Variants in SAP130 observed in about 807,000 individuals in gnomAD.
SAP130 encodes the protein Sin3A associated protein 130.
SAP130 carries 16 observed loss-of-function variants against 103.2 expected under a neutral mutation model. That is an observed-to-expected ratio of 0.16 (90% CI 0.10 to 0.24). The LOEUF (loss-of-function observed/expected upper bound fraction) is 0.24, where lower values mean the gene tolerates loss of function less well. Ranked by LOEUF, SAP130 falls within the 10% of genes least tolerant of loss-of-function variation. The pLI is 1.00. For missense variants in SAP130, 990 were observed against 1,359.7 expected (o/e 0.73, Z 4.28); for synonymous variants, 477 against 497.0 (o/e 0.96, Z 0.53).
At position 127,986,885 on chromosome 2, in the gene SAP130, T is replaced by C. The variant is rs1445921680; in HGVS notation, c.1858A>G (p.Thr620Ala). 9 of 1,614,122 alleles carry C rather than the reference T, an allele frequency of 5.6e-6. No homozygotes were observed. The highest frequency in any genetic ancestry group is 5.0e-5 in the Admixed American group (3 of 60,016). Residue 620 changes from threonine to alanine, a missense_variant, in exon 14 of 21, where the codon ACC becomes GCC. Coordinates refer to ENST00000643581, the MANE Select transcript of SAP130 (RefSeq NM_001330301.2). This position sits in a 1 kb window ranked among gnomAD's most constrained non-coding sequence, Gnocchi z 4.7. ...CTCTGGCTGTGGGTCTGCACCACGGTTGTTGCTGCTGGAGCAGCACTGAAT... is the reference window on the plus strand; with the variant it reads ...CTCTGGCTGTGGGTCTGCACCACGGCTGTTGCTGCTGGAGCAGCACTGAAT... ...NPFSAAPAAT[T>A]VVQTHSQSAS...
At chr2:127,991,570 C>T (rs771754778) in intron 12 of SAP130, among the ~76,000 whole-genome samples, 2 of 152,060 alleles carry the variant, frequency 1.3e-5, no homozygotes, top group South Asian at 2.1e-4. Context: ...TGGTCTCAAG[C>T]GACCTTCCTC....
intron 14 of SAP130, among the ~76,000 whole-genome samples, chr2:127,982,671 T>G (rs1308355526): frequency 1.3e-5 from 2 of 152,218 alleles, no homozygotes; most frequent in African/African-American, 4.8e-5. Flanking sequence ...GCAAAGTGGC[T>G]TTCCCTGCTG....
chr2:128,002,400 G>A lies in SAP130; in HGVS notation c.870-1946C>T, dbSNP rs1001174760. Among the ~76,000 whole-genome samples the A allele has an allele frequency of 5.9e-5, 9 of 152,030 alleles. No homozygotes were observed. In the South Asian group the frequency reaches 8.3e-4, roughly 14 times the overall value. ...CAAAATTAACCGGGTGCGGTGGTAC[G>A]TGCCTGTAGTCCCAACTACTCCAGA... On this transcript the variant is annotated intron_variant, in intron 7 of 20. Transcript: ENST00000643581.
rs767445194 is a variant in SAP130 at position 128,016,532 on chromosome 2, T to C, written c.364A>G (p.Thr122Ala). 4 of 1,612,282 alleles carry C rather than the reference T, an allele frequency of 2.5e-6. No individual in the cohort carries two copies. The highest frequency in any genetic ancestry group is 3.4e-6 in the Non-Finnish European group (4 of 1,179,074). ...GGAGCAATGGGACGGCTAGGCATGG[T>C]GGGCTTCGGGGGCGGCTGCAAACAG... ...EGLMKPPPKPTMPSRPIAPAP... is the reference protein window; with the variant it reads ...EGLMKPPPKPAMPSRPIAPAP... Residue 122 changes from threonine to alanine, a missense_variant, in exon 4 of 21, where the codon ACC becomes GCC. By Grantham distance (58) the Thr-to-Ala change is moderately conservative. Transcript: ENST00000643581.
chr2:127,949,960 T>C lies in SAP130; in HGVS notation c.2706A>G (p.Pro902=). 1.2e-6 allele frequency: 2 copies of C among 1,614,178 alleles called. No homozygotes were observed. The highest frequency in any genetic ancestry group is 1.7e-6 in the Non-Finnish European group (2 of 1,180,026). Residue 902 remains proline (P), a synonymous_variant, in exon 18 of 21, where the codon CCA becomes CCG. Coordinates refer to ENST00000643581, the MANE Select transcript of SAP130 (RefSeq NM_001330301.2). The part of the protein sequence containing the change: ...EEGVRYVPVR[P]RPPITLLRHY... ...GACGAAGCAAAGTAATGGGGGGTCT[T>C]GGACGCACTGGGACATATCTCACAC...
intron 2 of SAP130, among the ~76,000 whole-genome samples, chr2:128,024,366 T>A (rs75701576): frequency 6.6e-6 from 1 of 151,226 alleles, no homozygotes. Flanking sequence ...TAGTAAGAAA[T>A]GAGGCTGGAA....
chr2:128,006,083 C>T (rs986695133), intron 7 of SAP130, among the ~76,000 whole-genome samples: 2 of 147,256 alleles, frequency 1.4e-5, no homozygotes, highest in African/African-American at 2.5e-5. Flanking sequence ...CCTTTGTAAG[C>T]GGTTAAAAAA....
At chr2:127,969,168 G>A (rs907339233) in intron 15 of SAP130, among the ~76,000 whole-genome samples, 4 of 152,114 alleles carry the variant, frequency 2.6e-5, no homozygotes, top group East Asian at 1.9e-4. Flanking sequence ...GGAGGTTGGC[G>A]GGGGGAGAGG....
rs951822579 is a variant in SAP130, at chr2:127,986,180, G to A, written c.1958+605C>T. Among the ~76,000 whole-genome samples, 2 of 152,240 alleles carry A rather than the reference G, an allele frequency of 1.3e-5. No individual in the cohort carries two copies. The highest frequency in any genetic ancestry group is 6.5e-5 in the Admixed American group (1 of 15,286). ...ATAAGGCAGGGGTCTAATTGAGCTGGTTAATGCAAGCCATCTATGGATGGC... is the reference window on the plus strand; with the variant it reads ...ATAAGGCAGGGGTCTAATTGAGCTGATTAATGCAAGCCATCTATGGATGGC... On this transcript the variant is annotated intron_variant, in intron 14 of 20. Coordinates refer to ENST00000643581, the MANE Select transcript of SAP130 (RefSeq NM_001330301.2). The surrounding 1 kb of genome is among the most constrained non-coding windows in gnomAD (Gnocchi z 4.7).
chr2:127,944,901 C>CAAAAAAAAAAAAAAAAAAAAAAAAAAA (rs1188253573), intron 19 of SAP130, among the ~76,000 whole-genome samples: 1 of 77,544 alleles, frequency 1.3e-5, no homozygotes, highest in Non-Finnish European at 2.5e-5. Flanking sequence ...GACCTTGTCT[C>CAAAAAAAAAAAAAAAAAAAAAAAAAAA]AAAAAAAAAA....
chr2:127,994,412 G>A (rs947360761), intron 11 of SAP130, among the ~76,000 whole-genome samples: 8 of 152,110 alleles, frequency 5.3e-5, no homozygotes, highest in Admixed American at 3.9e-4. Flanking sequence ...CCAACATGGC[G>A]AAACTCCGTC....
At chr2:127,950,115 C>A (rs760791944) in intron 17 of SAP130, 45 bp downstream of exon 17, 1 of 1,611,740 alleles carries the variant, frequency 6.2e-7, no homozygotes. Flanking sequence ...TGGACTCTGA[C>A]TTTATTGGGA....
intron 7 of SAP130, among the ~76,000 whole-genome samples, chr2:128,002,207 G>A (rs1363883568): frequency 1.3e-5 from 2 of 152,220 alleles, no homozygotes; most frequent in Non-Finnish European, 2.9e-5. Context: ...ATGAGCCAAT[G>A]TGCCCGGCCA....
chr2:127,997,866 C>T (rs1382548797), intron 10 of SAP130, among the ~76,000 whole-genome samples: 1 of 152,182 alleles, frequency 6.6e-6, no homozygotes, highest in Non-Finnish European at 1.5e-5. Flanking sequence ...ATAATCCCAA[C>T]ACTTTGGGAG....
rs558087802 is a variant in SAP130, at chr2:128,018,536, A to G, written c.113-621T>C. Among the ~76,000 whole-genome samples, 8 of 150,676 alleles carry G rather than the reference A, an allele frequency of 5.3e-5. No individual in the cohort carries two copies. In the East Asian group the frequency reaches 1.6e-3, roughly 29 times the overall value. ...GGCTGGTGCAGTGGCTTGCACCTGC[A>G]ATCCTAGCATTTTGAGAGGCCAAGG... On this transcript the variant is annotated intron_variant, in intron 2 of 20. Coordinates refer to ENST00000643581, the MANE Select transcript of SAP130 (RefSeq NM_001330301.2).
At chr2:127,965,051 C>T (rs1680557162) in intron 15 of SAP130, among the ~76,000 whole-genome samples, 1 of 151,012 alleles carries the variant, frequency 6.6e-6, no homozygotes, top group Non-Finnish European at 1.5e-5. Context: ...AATCCCAGCC[C>T]TTTGGGAGGC....
chr2:127,974,626 C>A (rs1681325732), intron 15 of SAP130, among the ~76,000 whole-genome samples: 1 of 152,038 alleles, frequency 6.6e-6, no homozygotes, highest in Non-Finnish European at 1.5e-5. Context: ...TCAGCCTGAC[C>A]AACATGGAGA....
chr2:127,959,811 GA>G (rs1469621979), intron 15 of SAP130, among the ~76,000 whole-genome samples: 1 of 151,936 alleles, frequency 6.6e-6, no homozygotes, highest in Non-Finnish European at 1.5e-5. Context: ...CAAAAAGATA[GA>G]AAAAACTTAG....
Position 127,986,635 on chromosome 2 carries a change from T to A in SAP130, c.1958+150A>T. On this transcript the variant is annotated intron_variant, in intron 14 of 20. Transcript: ENST00000643581. The surrounding 1 kb of genome is among the most constrained non-coding windows in gnomAD (Gnocchi z 4.7). The stretch of plus-strand genomic sequence containing the variant: ...AGCTGGGTAAGGCTCTACTGAATAA[T>A]CCTGTGGTCAAGTTGTTTTGGAGGA... 1 of 777,996 alleles carries A rather than the reference T, an allele frequency of 1.3e-6. No individual in the cohort carries two copies. The highest frequency in any genetic ancestry group is 1.8e-5 in the South Asian group (1 of 56,848). 48.2% of individuals were successfully genotyped at this position (777,996 alleles called of 1,614,324 possible).
Sources: gnomAD v4.1 joint callset for allele counts (sites outside exome capture counted in the v4.1 genomes callset) on GRCh38, gnomAD v4.1.1 for gene constraint, Gnocchi (gnomAD v3.1) non-coding constraint, MANE v1.5 for transcripts, NCBI Gene and HGNC (gene_info 2026-07-23, HGNC 2026-07-21) for gene names.